EYS: variants seen among roughly 807,000 people sequenced by gnomAD.
EYS encodes protein eyes shut homolog.
Under a neutral mutation model 282.1 loss-of-function variants are expected in EYS, and 250 were observed. The observed-to-expected ratio is 0.89, with a 90% CI of 0.80 to 0.98. The LOEUF is 0.98. EYS is among the 50% of genes least tolerant of loss of function. EYS has a pLI of 0.00. For synonymous variants in EYS, 1,355 were observed against 1,282.9 expected (o/e 1.06, Z -1.20); for missense variants, 4,016 against 3,709.0 (o/e 1.08, Z -2.15).
intron 28 of EYS, among the ~76,000 whole-genome samples, chr6:64,411,918 CATGCATGT>C (rs1194700578): frequency 1.4e-4 from 21 of 150,942 alleles, no homozygotes; most frequent in East Asian, 7.8e-4. Context: ...TTTATATATG[CATGCATGT>C]ATGTATATAT....
At chr6:64,866,688 T>A (rs1027287188) in intron 19 of EYS, among the ~76,000 whole-genome samples, 1 of 151,790 alleles carries the variant, frequency 6.6e-6, no homozygotes, top group Admixed American at 6.6e-5. Flanking sequence ...TTCTACTTTA[T>A]ATTAATAAAA....
At chr6:63,879,406 T>C (rs1773068774) in intron 35 of EYS, among the ~76,000 whole-genome samples, 1 of 152,142 alleles carries the variant, frequency 6.6e-6, no homozygotes, top group African/African-American at 2.4e-5. Flanking sequence ...AGGGAGAGGC[T>C]ACTGAAGAAA....
chr6:65,001,888 T>A (rs1338706759), intron 13 of EYS, among the ~76,000 whole-genome samples: 2 of 147,342 alleles, frequency 1.4e-5, no homozygotes, highest in African/African-American at 2.4e-5. Flanking sequence ...GATTATATTA[T>A]GAAATACATT....
chr6:65,002,933 A>G (rs575375544), intron 13 of EYS, among the ~76,000 whole-genome samples: 12 of 147,580 alleles, frequency 8.1e-5, no homozygotes, highest in African/African-American at 2.9e-4. Context: ...CTTTACTTCA[A>G]TCTCTTAATC....
intron 2 of EYS, among the ~76,000 whole-genome samples, chr6:65,497,057 A>G (rs1345482361): frequency 1.3e-5 from 2 of 152,084 alleles, no homozygotes; most frequent in African/African-American, 4.8e-5. Flanking sequence ...ACATAATTCA[A>G]TGTTCTACAT....
chr6:65,664,455 TA>T (rs1417043834), intron 1 of EYS, among the ~76,000 whole-genome samples: 1 of 152,156 alleles, frequency 6.6e-6, no homozygotes, highest in Non-Finnish European at 1.5e-5. Flanking sequence ...TTTAATATGA[TA>T]GCTAAGTAAA....
chr6:64,027,930 T>C (rs1582160594), intron 33 of EYS, among the ~76,000 whole-genome samples: 1 of 152,220 alleles, frequency 6.6e-6, no homozygotes. Context: ...AGCCTTCTCA[T>C]TGTTAATCTC....
At chr6:63,880,977 C>A (rs1773117194) in intron 35 of EYS, among the ~76,000 whole-genome samples, 1 of 151,862 alleles carries the variant, frequency 6.6e-6, no homozygotes, top group African/African-American at 2.4e-5. Context: ...TGGTAAAGGA[C>A]AGTTTCAAAA....
intron 22 of EYS, among the ~76,000 whole-genome samples, chr6:64,791,696 C>T (rs887453519): frequency 2.0e-5 from 3 of 151,716 alleles, no homozygotes; most frequent in East Asian, 1.9e-4. Context: ...AACCTGTGTA[C>T]AAAGTGTAAA....
At chr6:65,458,287 C>T (rs1363325333) in intron 5 of EYS, among the ~76,000 whole-genome samples, 1 of 152,112 alleles carries the variant, frequency 6.6e-6, no homozygotes, top group Non-Finnish European at 1.5e-5. Context: ...ATCACATCTT[C>T]CATCATAATT....
intron 12 of EYS, among the ~76,000 whole-genome samples, chr6:65,286,042 A>G (rs971023569): frequency 3.6e-4 from 55 of 151,776 alleles, no homozygotes; most frequent in Non-Finnish European, 1.9e-4. Flanking sequence ...CTAACCAATC[A>G]CTTCCATACT....
chr6:65,656,056 T>C (rs953768990), intron 1 of EYS, among the ~76,000 whole-genome samples: 2 of 151,874 alleles, frequency 1.3e-5, no homozygotes, highest in Non-Finnish European at 2.9e-5. Context: ...CCTTTGGTGT[T>C]ACCATTGTAA....
At chr6:63,876,729 C>A (rs1412762577) in intron 35 of EYS, among the ~76,000 whole-genome samples, 1 of 152,188 alleles carries the variant, frequency 6.6e-6, no homozygotes, top group Non-Finnish European at 1.5e-5. Flanking sequence ...TAATGGCCTT[C>A]TTTGTCTCTT....
chr6:64,444,890 G>A (rs1164699970), intron 26 of EYS, among the ~76,000 whole-genome samples: 1 of 152,134 alleles, frequency 6.6e-6, no homozygotes, highest in Non-Finnish European at 1.5e-5. Context: ...CTTGCCATGT[G>A]AAACCCTGCC....
At chr6:65,480,010 A>T in intron 5 of EYS, among the ~76,000 whole-genome samples, 1 of 151,000 alleles carries the variant, frequency 6.6e-6, no homozygotes, top group African/African-American at 2.4e-5. Context: ...AAAAAAAAAA[A>T]AAAAATTGGC....
At chr6:64,169,685 C>T (rs1293270633) in intron 31 of EYS, among the ~76,000 whole-genome samples, 1 of 151,972 alleles carries the variant, frequency 6.6e-6, no homozygotes, top group Non-Finnish European at 1.5e-5. Context: ...TCATTCTCCT[C>T]CCTCTTTCTC....
chr6:63,895,704 A>G lies in EYS; in HGVS notation c.7056-31346T>C, dbSNP rs147731248. ...GTCTCCCTTGCTTGCCTTACATACT[A>G]TTTAACCTCATGTATTGCTACCTGA... On this transcript the variant is annotated intron_variant, in intron 35 of 42. Coordinates refer to ENST00000503581, the MANE Select transcript of EYS (RefSeq NM_001142800.2). 2.0e-3 allele frequency among the ~76,000 whole-genome samples: 308 copies of G among 152,244 alleles called. 1 individual carries two copies. The highest frequency in any genetic ancestry group is 7.0e-3 in the African/African-American group (289 of 41,544).
chr6:64,501,290 C>T (rs1044453702), intron 26 of EYS, among the ~76,000 whole-genome samples: 58 of 151,798 alleles, frequency 3.8e-4, no homozygotes, highest in African/African-American at 1.3e-3. Flanking sequence ...GTATTTTGAG[C>T]TGTCAAATAC....
chr6:64,576,392 TA>T (rs1248921950), intron 26 of EYS, among the ~76,000 whole-genome samples: 3 of 152,080 alleles, frequency 2.0e-5, no homozygotes, highest in Admixed American at 2.0e-4. Context: ...GAAGTGACTT[TA>T]AAAGTCCTAA....
Sources: allele counts gnomAD v4.1 joint callset (sites outside exome capture counted in the v4.1 genomes callset), GRCh38; gene constraint gnomAD v4.1.1; transcripts MANE v1.5; gene names NCBI Gene and HGNC (gene_info 2026-07-23, HGNC 2026-07-21).